Variants in ZFAND3 observed in about 807,000 individuals in gnomAD.
ZFAND3 encodes AN1-type zinc finger protein 3.
ZFAND3 carries 10 observed loss-of-function variants against 29.6 expected under a neutral mutation model. The observed-to-expected ratio is 0.34, with a 90% CI of 0.21 to 0.57. The LOEUF (loss-of-function observed/expected upper bound fraction) is 0.57. ZFAND3 is among the 20% of genes least tolerant of loss of function. The probability of loss-of-function intolerance (pLI) is 0.86; values close to 1 mark genes in which losing one functional copy is unlikely to be tolerated. For missense variants in ZFAND3, 230 were observed against 304.5 expected, an observed-to-expected ratio of 0.76 and a Z score of 1.82; for synonymous variants, 128 against 112.6, an observed-to-expected ratio of 1.14 and a Z score of -0.87.
intron 1 of ZFAND3, among the ~76,000 whole-genome samples, chr6:37,868,186 A>G (rs532888138): frequency 6.6e-6 from 1 of 152,348 alleles, no homozygotes; most frequent in South Asian, 2.1e-4. Flanking sequence ...ATCTTTTGAA[A>G]TGATGATATG....
At chr6:38,021,578 G>A (rs954152839) in intron 2 of ZFAND3, among the ~76,000 whole-genome samples, 1 of 152,166 alleles carries the variant, frequency 6.6e-6, no homozygotes, top group East Asian at 1.9e-4. Flanking sequence ...AATCAGCAAC[G>A]AAATTTTCTT....
intron 2 of ZFAND3, among the ~76,000 whole-genome samples, chr6:37,970,301 G>A (rs1179719745): frequency 2.0e-5 from 3 of 152,270 alleles, no homozygotes; most frequent in South Asian, 2.1e-4. Flanking sequence ...TGGTAAGTCC[G>A]TAAATGGTAT....
intron 2 of ZFAND3, among the ~76,000 whole-genome samples, chr6:37,958,702 T>C (rs928594621): frequency 6.6e-6 from 1 of 152,106 alleles, no homozygotes; most frequent in African/African-American, 2.4e-5. Flanking sequence ...CACTTAAGAC[T>C]TCTAAAAAAC....
chr6:37,825,659 CAA>C lies in ZFAND3; in HGVS notation c.71+5646_71+5647del, dbSNP rs1258539953. Among the ~76,000 whole-genome samples the C allele has an allele frequency of 2.0e-5, 3 of 152,032 alleles. No individual in the cohort carries two copies. In the East Asian group the frequency reaches 5.8e-4, roughly 29 times the overall value. ...CTCCATTTACCGTCTCCCACTCTTC[CAA>C]AATAGAAGAGAATTCTAAACTTTAA... On this transcript the variant is annotated intron_variant, in intron 1 of 5. Transcript: ENST00000287218.
chr6:38,126,920 ATTGT>A lies in ZFAND3; in HGVS notation c.529+10184_529+10187del, dbSNP rs963277764. Reference sequence around the variant, plus strand: ...TGGAATTTAAAAGTTTTATTTTTAGATTGTTTTTTTTTTTGCTACCACTTAGAAA... The same window carrying A: ...TGGAATTTAAAAGTTTTATTTTTAGATTTTTTTTTTGCTACCACTTAGAAA... On this transcript the variant is annotated intron_variant, in intron 5 of 5. Coordinates refer to ENST00000287218, the MANE Select transcript of ZFAND3 (RefSeq NM_021943.3). Among the ~76,000 whole-genome samples, 87 of 145,852 alleles carry A rather than the reference ATTGT, an allele frequency of 6.0e-4. 1 individual carries two copies. Among genetic ancestry groups the A allele is most frequent in the African/African-American group, 1.9e-3 (74 of 38,276 alleles).
chr6:38,103,386 CACACACACATATATAT>C (rs1562000176), intron 4 of ZFAND3, among the ~76,000 whole-genome samples: 49 of 146,122 alleles, frequency 3.4e-4, no homozygotes, highest in Middle Eastern at 3.5e-3. Context: ...TATATATATA[CACACACACATATATAT>C]ACACACACAC....
chr6:38,100,314 G>A (rs909282466), intron 4 of ZFAND3, among the ~76,000 whole-genome samples: 3 of 152,046 alleles, frequency 2.0e-5, no homozygotes, highest in South Asian at 4.2e-4. Context: ...CGCCTGCCTC[G>A]ACCTCCCAAA....
In ZFAND3 at chr6:38,000,241, G is replaced by T. The variant is rs898590957; in HGVS notation, c.113-61352G>T. 3.9e-4 allele frequency among the ~76,000 whole-genome samples: 59 copies of T among 152,120 alleles called. 2 individuals carry two copies. On this transcript the variant is annotated intron_variant, in intron 2 of 5. Transcript: ENST00000287218. ...ATATTGATCATTTGCGAGACCCATA[G>T]CACCTTCCATTAATTAATTATAAAT... is the stretch of plus-strand genomic sequence containing the variant.
intron 2 of ZFAND3, among the ~76,000 whole-genome samples, chr6:37,933,983 G>A (rs1761647186): frequency 1.3e-5 from 2 of 151,256 alleles, no homozygotes; most frequent in East Asian, 3.9e-4. Flanking sequence ...CGCCTCCCGG[G>A]TTCAAGTGAT....
chr6:38,062,589 C>T (rs1293523196), intron 3 of ZFAND3: 4 of 152,088 alleles, frequency 2.6e-5, no homozygotes, highest in Non-Finnish European at 4.4e-5. Flanking sequence ...CCAAGCTGGT[C>T]TCGAACTCCT....
intron 2 of ZFAND3, among the ~76,000 whole-genome samples, chr6:38,011,341 G>C (rs1763149226): frequency 6.6e-6 from 1 of 152,108 alleles, no homozygotes; most frequent in Non-Finnish European, 1.5e-5. Flanking sequence ...GTATGATAAA[G>C]TACAGCAGCT....
intron 2 of ZFAND3, among the ~76,000 whole-genome samples, chr6:37,975,022 C>A (rs1762455814): frequency 6.6e-6 from 1 of 152,156 alleles, no homozygotes; most frequent in African/African-American, 2.4e-5. Flanking sequence ...AATGGCTGAT[C>A]ATATCATAGG....
chr6:38,137,481 CTA>C (rs1193257395), intron 5 of ZFAND3, among the ~76,000 whole-genome samples: 1 of 152,186 alleles, frequency 6.6e-6, no homozygotes, highest in Non-Finnish European at 1.5e-5. Context: ...AATGCTGACT[CTA>C]TTTATTTATT....
intron 1 of ZFAND3, among the ~76,000 whole-genome samples, chr6:37,858,904 T>C (rs750903551): frequency 1.3e-5 from 2 of 152,236 alleles, no homozygotes; most frequent in African/African-American, 2.4e-5. Flanking sequence ...GCACTGCCAT[T>C]TCTTTATACT....
intron 1 of ZFAND3, among the ~76,000 whole-genome samples, chr6:37,910,383 T>C (rs1765498116): frequency 6.6e-6 from 1 of 152,184 alleles, no homozygotes; most frequent in South Asian, 2.1e-4. Flanking sequence ...CCAGTTTTGG[T>C]TTCATTAAGT....
chr6:38,026,306 C>G (rs1470954830), intron 2 of ZFAND3, among the ~76,000 whole-genome samples: 1 of 151,886 alleles, frequency 6.6e-6, no homozygotes, highest in South Asian at 2.1e-4. Context: ...TCTGTTTTAG[C>G]ACTGTGATCA....
intron 4 of ZFAND3, among the ~76,000 whole-genome samples, chr6:38,095,089 A>G (rs1225644581): frequency 6.6e-6 from 1 of 152,208 alleles, no homozygotes; most frequent in East Asian, 1.9e-4. Flanking sequence ...TGAAAGCCCA[A>G]TATATGACAT....
At chr6:37,976,304 A>G (rs116604804) in intron 2 of ZFAND3, among the ~76,000 whole-genome samples, 2,144 of 152,230 alleles carry the variant, frequency 0.014, 60 homozygotes, top group African/African-American at 0.049. Flanking sequence ...ACCAGAGGCC[A>G]GGCGTGGTGG....
rs138404077 is a variant in ZFAND3 at position 38,031,650 on chromosome 6, C to G, written c.113-29943C>G. Among the ~76,000 whole-genome samples the G allele has an allele frequency of 7.4e-3, 1,131 of 152,262 alleles. 12 individuals carry two copies. The highest frequency in any genetic ancestry group is 0.026 in the African/African-American group (1,060 of 41,550). On this transcript the variant is annotated intron_variant, in intron 2 of 5. Coordinates refer to ENST00000287218, the MANE Select transcript of ZFAND3 (RefSeq NM_021943.3). ...GAGCAAATTTCTTAACCTCTAGGAG[C>G]CTTAGCTTCTCCAATTGTAAATGAA...
Sources: allele counts gnomAD v4.1 joint callset (sites outside exome capture counted in the v4.1 genomes callset), GRCh38; gene constraint gnomAD v4.1.1; transcripts MANE v1.5; gene names NCBI Gene and HGNC (gene_info 2026-07-23, HGNC 2026-07-21).